FBXL17: variants seen among roughly 807,000 people sequenced by gnomAD.
FBXL17 encodes F-box and leucine rich repeat protein 17, also known as F-box/LRR-repeat protein 17.
A neutral mutation model predicts 66.2 loss-of-function variants in FBXL17; 22 were observed. That is an observed-to-expected ratio of 0.33 (90% CI 0.24 to 0.47). The LOEUF (loss-of-function observed/expected upper bound fraction) is 0.47, where lower values mean the gene tolerates loss of function less well. Ranked by LOEUF, FBXL17 falls within the 20% of genes least tolerant of loss-of-function variation. FBXL17 has a pLI of 1.00. For missense variants in FBXL17, 878 were observed against 948.2 expected (o/e 0.93, Z 0.97); for synonymous variants, 474 against 400.5 (o/e 1.18, Z -2.19).
chr5:108,143,872 T>C lies in FBXL17; in HGVS notation c.1745+42245A>G, dbSNP rs183348390. Among the ~76,000 whole-genome samples the C allele has an allele frequency of 4.8e-4, 73 of 152,260 alleles. 1 individual carries two copies. The South Asian group carries it at 0.013, about 27-fold the overall frequency. On this transcript the variant is annotated intron_variant, in intron 6 of 8. Transcript: ENST00000542267. The stretch of plus-strand genomic sequence containing the variant: ...CAAGGAAAACACAACTCACATTCTT[T>C]AATTTCTTAGTCTATGTCCCAGTAA...
intron 8 of FBXL17, chr5:107,878,740 G>A (rs1476684149): frequency 6.1e-6 from 6 of 985,322 alleles, no homozygotes; most frequent in Non-Finnish European, 6.0e-6. Flanking sequence ...TTCTGTGCAA[G>A]GCTTTACTTG....
At chr5:108,117,888 GCA>G (rs1488986838) in intron 6 of FBXL17, among the ~76,000 whole-genome samples, 2 of 152,122 alleles carry the variant, frequency 1.3e-5, no homozygotes, top group Admixed American at 1.3e-4. Flanking sequence ...GCTCTAGAAA[GCA>G]CAGTTTGGGA....
At chr5:108,053,458 C>T (rs564145336) in intron 6 of FBXL17, among the ~76,000 whole-genome samples, 46 of 151,944 alleles carry the variant, frequency 3.0e-4, no homozygotes, top group African/African-American at 8.0e-4. Context: ...CAATAGATTG[C>T]GCCACTGCAC....
chr5:107,938,218 G>A (rs1750973664), intron 7 of FBXL17, among the ~76,000 whole-genome samples: 1 of 151,758 alleles, frequency 6.6e-6, no homozygotes, highest in South Asian at 2.1e-4. Context: ...AGCCGGATGA[G>A]TGTTAGAAAT....
rs189783885 is a variant in FBXL17 at position 107,939,292 on chromosome 5, C to T, written c.1823-58113G>A. The stretch of plus-strand genomic sequence containing the variant: ...TTCAGGTTGAATTCATATAATTCTC[C>T]GTTATCACAGTCATGATTTTGCACA... On this transcript the variant is annotated intron_variant, in intron 7 of 8. Transcript: ENST00000542267. Among the ~76,000 whole-genome samples, 29 of 152,152 alleles carry T rather than the reference C, an allele frequency of 1.9e-4. No homozygotes were observed. In the East Asian group the frequency reaches 2.1e-3, roughly 11 times the overall value.
chr5:108,338,542 CCAT>C (rs1461389462), intron 4 of FBXL17, among the ~76,000 whole-genome samples: 1 of 152,048 alleles, frequency 6.6e-6, no homozygotes, highest in African/African-American at 2.4e-5. Context: ...AGTACTTCTA[CCAT>C]CATACTTTAG....
At chr5:108,249,464 T>C (rs565848309) in intron 4 of FBXL17, among the ~76,000 whole-genome samples, 4 of 152,296 alleles carry the variant, frequency 2.6e-5, no homozygotes, top group Admixed American at 6.5e-5. Flanking sequence ...TATTAATTTA[T>C]AGAAACATAT....
At chr5:108,044,046 T>C (rs941446896) in intron 6 of FBXL17, among the ~76,000 whole-genome samples, 1 of 152,224 alleles carries the variant, frequency 6.6e-6, no homozygotes, top group African/African-American at 2.4e-5. Context: ...TTATCTTTTA[T>C]CCTAAAGTCT....
At position 108,188,074 on chromosome 5, in the gene FBXL17, C is replaced by T. The variant is rs527816848; in HGVS notation, c.1615-1827G>A. 2.0e-4 allele frequency among the ~76,000 whole-genome samples: 31 copies of T among 152,132 alleles called. 1 individual carries two copies. Among genetic ancestry groups the T allele is most frequent in the Admixed American group, 1.7e-3 (26 of 15,288 alleles). ...AATTTGTATTTAATTTTTATATCTGCATGTGGCTAACAGCTACAGTGTTGG... is the reference window on the plus strand; with the variant it reads ...AATTTGTATTTAATTTTTATATCTGTATGTGGCTAACAGCTACAGTGTTGG... On this transcript the variant is annotated intron_variant, in intron 5 of 8. Transcript: ENST00000542267.
At chr5:108,042,465 A>G (rs1452616561) in intron 6 of FBXL17, among the ~76,000 whole-genome samples, 2 of 151,982 alleles carry the variant, frequency 1.3e-5, no homozygotes, top group Non-Finnish European at 2.9e-5. Flanking sequence ...TCTGTTCTCC[A>G]TTCCTACAAT....
intron 6 of FBXL17, among the ~76,000 whole-genome samples, chr5:108,070,905 T>G (rs183204933): frequency 2.3e-3 from 357 of 152,312 alleles, no homozygotes; most frequent in African/African-American, 8.0e-3. Flanking sequence ...AGAAACTCTT[T>G]GGTGTAAAAG....
chr5:108,143,372 C>CACACACACACAT (rs953869890), intron 6 of FBXL17, among the ~76,000 whole-genome samples: 1 of 151,888 alleles, frequency 6.6e-6, no homozygotes, highest in African/African-American at 2.4e-5. Flanking sequence ...CACACACACA[C>CACACACACACAT]ACATATACAA....
intron 8 of FBXL17, among the ~76,000 whole-genome samples, chr5:107,871,179 C>G (rs141195259): frequency 6.6e-4 from 100 of 151,824 alleles, no homozygotes; most frequent in African/African-American, 2.3e-3. Flanking sequence ...TTGTCAAACG[C>G]AGTCATTCCA....
intron 6 of FBXL17, among the ~76,000 whole-genome samples, chr5:108,133,887 T>C (rs1369115656): frequency 6.6e-6 from 1 of 152,152 alleles, no homozygotes; most frequent in Non-Finnish European, 1.5e-5. Flanking sequence ...AGAAGTCCAA[T>C]ACACAGTAGG....
intron 6 of FBXL17, among the ~76,000 whole-genome samples, chr5:108,136,754 T>C (rs1751150368): frequency 6.6e-6 from 1 of 152,158 alleles, no homozygotes; most frequent in Non-Finnish European, 1.5e-5. Context: ...TGAGTGGCTA[T>C]TATAAGGAAT....
chr5:107,928,485 A>G (rs1004042572), intron 7 of FBXL17, among the ~76,000 whole-genome samples: 1 of 151,960 alleles, frequency 6.6e-6, no homozygotes, highest in African/African-American at 2.4e-5. Flanking sequence ...TCTTTTTGAA[A>G]GAGGCTGTAT....
At chr5:107,970,580 C>G (rs1187558837) in intron 7 of FBXL17, among the ~76,000 whole-genome samples, 1 of 152,212 alleles carries the variant, frequency 6.6e-6, no homozygotes, top group East Asian at 1.9e-4. Flanking sequence ...GACCTATCAA[C>G]TCTACTAGAA....
chr5:108,159,010 G>C (rs1213247753), intron 6 of FBXL17, among the ~76,000 whole-genome samples: 3 of 152,114 alleles, frequency 2.0e-5, no homozygotes, highest in Non-Finnish European at 4.4e-5. Flanking sequence ...ACAAGGAAAA[G>C]GGAACCAGCA....
chr5:108,163,635 T>G (rs1752306082), intron 6 of FBXL17, among the ~76,000 whole-genome samples: 1 of 152,150 alleles, frequency 6.6e-6, no homozygotes, highest in African/African-American at 2.4e-5. Flanking sequence ...TCTCCCGACC[T>G]CATGATCCGC....
Sources: allele counts gnomAD v4.1 joint callset (sites outside exome capture counted in the v4.1 genomes callset), GRCh38; gene constraint gnomAD v4.1.1; transcripts MANE v1.5; gene names NCBI Gene and HGNC (gene_info 2026-07-23, HGNC 2026-07-21).